The following ADGRB1 variants were observed in gnomAD, a reference collection of about 807,000 sequenced individuals.
ADGRB1 encodes brain-specific angiogenesis inhibitor 1.
Under a neutral mutation model 175.7 loss-of-function variants are expected in ADGRB1, and 36 were observed. That is an observed-to-expected ratio of 0.20 (90% CI 0.16 to 0.27). ADGRB1 has a LOEUF of 0.27. Among genes scored for constraint, ADGRB1 ranks in the 10% least tolerant of loss-of-function variants. The pLI is 1.00. For synonymous variants in ADGRB1, 1,054 were observed against 979.4 expected (o/e 1.08, Z -1.42); for missense variants, 1,731 against 2,255.3 (o/e 0.77, Z 4.71).
intron 17 of ADGRB1, among the ~76,000 whole-genome samples, chr8:142,505,678 G>A (rs1159236751): frequency 6.6e-6 from 1 of 152,212 alleles, no homozygotes; most frequent in Admixed American, 6.5e-5. Flanking sequence ...GGAGCACTGT[G>A]GCCTTTGCTC....
At position 142,514,832 on chromosome 8, in the gene ADGRB1, G is replaced by A. The variant is rs984130151; in HGVS notation, c.2818-3306G>A. 9.2e-5 allele frequency among the ~76,000 whole-genome samples: 14 copies of A among 152,124 alleles called. 1 individual carries two copies. Among genetic ancestry groups the A allele is most frequent in the Non-Finnish European group, 1.8e-4 (12 of 68,030 alleles). On this transcript the variant is annotated intron_variant, in intron 18 of 30. Coordinates refer to ENST00000517894, the MANE Select transcript of ADGRB1 (RefSeq NM_001702.3). Reference sequence around the variant, plus strand: ...AGGGTGTGATGGGAATTGGGGCTCGGGGTATAATCTGGGTCAGGGGTCAGA... The same window carrying A: ...AGGGTGTGATGGGAATTGGGGCTCGAGGTATAATCTGGGTCAGGGGTCAGA...
At position 142,493,413 on chromosome 8, in the gene ADGRB1, T is replaced by C. The variant is rs1842072394; in HGVS notation, c.2675+2598T>C. The stretch of plus-strand genomic sequence containing the variant: ...GGGTGTTTGGCGTCCGCGTGGCCTC[T>C]GTCGACCCTAAAAGTCACAGGTGTG... On this transcript the variant is annotated intron_variant, in intron 17 of 30. Coordinates refer to ENST00000517894, the MANE Select transcript of ADGRB1 (RefSeq NM_001702.3). This position sits in a 1 kb window ranked among gnomAD's most constrained non-coding sequence, Gnocchi z 5.0. Among the ~76,000 whole-genome samples the C allele has an allele frequency of 6.6e-6, 1 of 152,116 alleles. No homozygotes were observed. The highest frequency in any genetic ancestry group is 2.4e-5 in the African/African-American group (1 of 41,446).
At chr8:142,489,934 G>A (rs1372550202) in intron 16 of ADGRB1, among the ~76,000 whole-genome samples, 1 of 152,208 alleles carries the variant, frequency 6.6e-6, no homozygotes, top group Non-Finnish European at 1.5e-5. Flanking sequence ...TGTGAGCCCT[G>A]CCAGGTCCCA....
At chr8:142,482,635 G>C (rs1841421245) in intron 11 of ADGRB1, among the ~76,000 whole-genome samples, 1 of 149,560 alleles carries the variant, frequency 6.7e-6, no homozygotes, top group Non-Finnish European at 1.5e-5. Context: ...CACATGCTGA[G>C]TCCTGATCCT....
chr8:142,520,607 ATGGT>A (rs1255706473), intron 19 of ADGRB1, among the ~76,000 whole-genome samples: 3 of 148,344 alleles, frequency 2.0e-5, no homozygotes, highest in African/African-American at 7.5e-5. Flanking sequence ...GATGGTGGTG[ATGGT>A]TGTGTTGGTG....
At chr8:142,526,923 G>A (rs1198354033) in intron 24 of ADGRB1, among the ~76,000 whole-genome samples, 1 of 152,140 alleles carries the variant, frequency 6.6e-6, no homozygotes, top group Non-Finnish European at 1.5e-5. Flanking sequence ...CTTGCAGGAT[G>A]GCAGCAGGGT....
chr8:142,499,661 C>A (rs974867493), intron 17 of ADGRB1, among the ~76,000 whole-genome samples: 6 of 152,210 alleles, frequency 3.9e-5, no homozygotes, highest in African/African-American at 1.4e-4. Context: ...GTGGGTGGGG[C>A]TGCTCAGGCC....
Position 142,475,647 on chromosome 8 carries a change from C to G in ADGRB1, c.946+12C>G, listed in dbSNP as rs1840918646. ...CGAGGCCTGCGGCCGTGAGTGCGGG[C>G]GGGGCGGGGCGGAGCCGGAGCCCTG... On this transcript the variant is annotated intron_variant, in intron 3 of 30. Transcript: ENST00000517894. 2 of 1,061,920 alleles carry G rather than the reference C, an allele frequency of 1.9e-6. No individual in the cohort carries two copies. The highest frequency in any genetic ancestry group is 1.3e-4 in the East Asian group (2 of 15,994). The allele number at this position is 1,061,920 out of a possible 1,614,324, so 65.8% of individuals were successfully genotyped here.
intron 2 of ADGRB1, among the ~76,000 whole-genome samples, chr8:142,469,177 G>GCA (rs1840452156): frequency 3.5e-5 from 4 of 114,682 alleles, no homozygotes; most frequent in African/African-American, 8.0e-5. Context: ...GTGTGCATGT[G>GCA]TGTGAATGTG....
rs1007002644 is a variant in ADGRB1 at position 142,493,543 on chromosome 8, G to A, written c.2675+2728G>A. Among the ~76,000 whole-genome samples the A allele has an allele frequency of 6.6e-6, 1 of 152,230 alleles. No individual in the cohort carries two copies. Among genetic ancestry groups the A allele is most frequent in the Non-Finnish European group, 1.5e-5 (1 of 68,030 alleles). On this transcript the variant is annotated intron_variant, in intron 17 of 30. Transcript: ENST00000517894. This position sits in a 1 kb window ranked among gnomAD's most constrained non-coding sequence, Gnocchi z 5.0. ...TTGGTGCCTGGGTCCAGGACTTCAGGACAGGAGGACAGGAGGCAGGTGCCG... is the reference window on the plus strand; with the variant it reads ...TTGGTGCCTGGGTCCAGGACTTCAGAACAGGAGGACAGGAGGCAGGTGCCG...
chr8:142,487,556 C>T (rs953579994), intron 13 of ADGRB1, among the ~76,000 whole-genome samples: 2 of 152,196 alleles, frequency 1.3e-5, no homozygotes, highest in African/African-American at 4.8e-5. Context: ...GCATCTTGGG[C>T]TGCATTCTTG....
At position 142,465,705 on chromosome 8, in the gene ADGRB1, C is replaced by T. The variant is rs531132268; in HGVS notation, c.784+723C>T. ...AGCAATGAGAGCCTTGCACTAGAAC[C>T]GGGCAGGGCTGGCCCCTCATGGCAG... On this transcript the variant is annotated intron_variant, in intron 2 of 30. Coordinates refer to ENST00000517894, the MANE Select transcript of ADGRB1 (RefSeq NM_001702.3). Among the ~76,000 whole-genome samples, 27 of 152,232 alleles carry T rather than the reference C, an allele frequency of 1.8e-4. No individual in the cohort carries two copies. In the East Asian group the frequency reaches 3.3e-3, roughly 19 times the overall value.
intron 17 of ADGRB1, among the ~76,000 whole-genome samples, chr8:142,500,500 TGCA>T (rs1842469924): frequency 6.6e-6 from 1 of 150,730 alleles, no homozygotes; most frequent in Non-Finnish European, 1.5e-5. Context: ...GAGGGGCGGC[TGCA>T]GGGGTCCAGG....
intron 18 of ADGRB1, among the ~76,000 whole-genome samples, chr8:142,517,451 G>A (rs1272825158): frequency 6.6e-6 from 1 of 152,222 alleles, no homozygotes; most frequent in Non-Finnish European, 1.5e-5. Flanking sequence ...CGCTGTGGCG[G>A]GAGAGGAGCT....
intron 22 of ADGRB1, among the ~76,000 whole-genome samples, chr8:142,522,946 C>T (rs938000393): frequency 2.6e-5 from 4 of 152,218 alleles, no homozygotes; most frequent in Non-Finnish European, 4.4e-5. Context: ...TTGAAAGAAA[C>T]CGGGCCATCA....
chr8:142,501,741 G>A (rs1325531343), intron 17 of ADGRB1, among the ~76,000 whole-genome samples: 4 of 80,576 alleles, frequency 5.0e-5, no homozygotes, highest in African/African-American at 1.0e-4. Context: ...GGTGGTGATG[G>A]TGGTGGCGGT....
At chr8:142,485,555 G>A (rs1009140663) in intron 13 of ADGRB1, among the ~76,000 whole-genome samples, 1 of 152,212 alleles carries the variant, frequency 6.6e-6, no homozygotes, top group African/African-American at 2.4e-5. Context: ...TTAGCACCAA[G>A]GAGGGAGAGT....
At chr8:142,500,201 ACCGCTCCTCCACTTCCCCCCGCG>A (rs1842423763) in intron 17 of ADGRB1, among the ~76,000 whole-genome samples, 6 of 118,114 alleles carry the variant, frequency 5.1e-5, no homozygotes, top group East Asian at 2.4e-4. Flanking sequence ...CCCGCCCCAC[ACCGCTCCTCCACTTCCCCCCGCG>A]CCGCTCCTCC....
At position 142,455,571 on chromosome 8, in the gene ADGRB1, A is replaced by G. The variant is rs1231055678; in HGVS notation, c.-220+5467A>G. Among the ~76,000 whole-genome samples the G allele has an allele frequency of 2.6e-5, 4 of 152,172 alleles. 1 individual carries two copies. The highest frequency in any genetic ancestry group is 2.6e-4 in the Admixed American group (4 of 15,280). ...AGCACAGCTGAGGTCAGGAGGACCCAGGGATTACTGGGAGCTCAGAGACTG... is the reference window on the plus strand; with the variant it reads ...AGCACAGCTGAGGTCAGGAGGACCCGGGGATTACTGGGAGCTCAGAGACTG... On this transcript the variant is annotated intron_variant, in intron 1 of 30. Coordinates refer to ENST00000517894, the MANE Select transcript of ADGRB1 (RefSeq NM_001702.3). The surrounding 1 kb of genome is among the most constrained non-coding windows in gnomAD (Gnocchi z 4.9).
Sources: allele counts gnomAD v4.1 joint callset (sites outside exome capture counted in the v4.1 genomes callset), GRCh38; gene constraint gnomAD v4.1.1; non-coding constraint Gnocchi (gnomAD v3.1); transcripts MANE v1.5; gene names NCBI Gene and HGNC (gene_info 2026-07-23, HGNC 2026-07-21).